The following GALNT7 variants were observed in gnomAD, a reference collection of about 807,000 sequenced individuals.
GALNT7 encodes N-acetylgalactosaminyltransferase 7.
A neutral mutation model predicts 82.1 loss-of-function variants in GALNT7; 60 were observed. The ratio of observed to expected loss-of-function variants is 0.73; its 90% CI spans 0.59 to 0.91. The LOEUF is 0.91. Among genes scored for constraint, GALNT7 ranks in the 40% least tolerant of loss-of-function variants. The pLI is 0.00. For missense variants in GALNT7, 660 were observed against 804.2 expected, an observed-to-expected ratio of 0.82 and a Z score of 2.17; for synonymous variants, 243 against 275.1, an observed-to-expected ratio of 0.88 and a Z score of 1.15.
intron 1 of GALNT7, among the ~76,000 whole-genome samples, chr4:173,183,388 G>T (rs1732332829): frequency 6.6e-6 from 1 of 151,882 alleles, no homozygotes; most frequent in Non-Finnish European, 1.5e-5. Context: ...GATTGAGCAG[G>T]AATGGGAGAA....
intron 1 of GALNT7, among the ~76,000 whole-genome samples, chr4:173,196,600 T>C (rs1732786729): frequency 6.6e-6 from 1 of 152,186 alleles, no homozygotes; most frequent in African/African-American, 2.4e-5. Context: ...GTTTGTTATA[T>C]AGGTAAACGT....
chr4:173,181,059 A>G (rs1732233828), intron 1 of GALNT7, among the ~76,000 whole-genome samples: 3 of 152,314 alleles, frequency 2.0e-5, no homozygotes, highest in Non-Finnish European at 4.4e-5. Context: ...ATAAGCTCTC[A>G]ATTATGGTAC....
chr4:173,262,597 G>T (rs764474673), intron 2 of GALNT7, among the ~76,000 whole-genome samples: 81 of 152,146 alleles, frequency 5.3e-4, no homozygotes, highest in Non-Finnish European at 9.7e-4. Flanking sequence ...TTGTTGAAGT[G>T]ACAGGCTCCC....
At chr4:173,220,396 C>T (rs1733605689) in intron 1 of GALNT7, among the ~76,000 whole-genome samples, 1 of 152,102 alleles carries the variant, frequency 6.6e-6, no homozygotes, top group Admixed American at 6.6e-5. Flanking sequence ...TGACTGTGAT[C>T]TCATGGTATA....
intron 1 of GALNT7, among the ~76,000 whole-genome samples, chr4:173,202,824 T>C (rs1358121507): frequency 6.6e-6 from 1 of 152,228 alleles, no homozygotes; most frequent in Non-Finnish European, 1.5e-5. Flanking sequence ...TCTATTAATA[T>C]TTGCTTTATG....
intron 1 of GALNT7, among the ~76,000 whole-genome samples, chr4:173,216,772 C>T (rs1247997903): frequency 8.5e-6 from 1 of 117,342 alleles, no homozygotes; most frequent in Non-Finnish European, 1.6e-5. Flanking sequence ...CTCTTGTCCC[C>T]CAGGCTGGAG....
At chr4:173,175,888 C>T (rs1416170478) in intron 1 of GALNT7, among the ~76,000 whole-genome samples, 2 of 152,114 alleles carry the variant, frequency 1.3e-5, no homozygotes, top group African/African-American at 4.8e-5. Context: ...GCCTGGCCAA[C>T]ATGGTGAAAC....
chr4:173,262,011 G>T (rs1735287571), intron 2 of GALNT7, among the ~76,000 whole-genome samples: 1 of 151,976 alleles, frequency 6.6e-6, no homozygotes, highest in Non-Finnish European at 1.5e-5. Flanking sequence ...AAAGAAACGA[G>T]TATCATTGTC....
chr4:173,253,882 T>C (rs1734934949), intron 2 of GALNT7, among the ~76,000 whole-genome samples: 1 of 152,214 alleles, frequency 6.6e-6, no homozygotes, highest in Admixed American at 6.5e-5. Flanking sequence ...TCTGATAAAG[T>C]TTGGGATTTT....
intron 1 of GALNT7, among the ~76,000 whole-genome samples, chr4:173,232,311 T>C (rs1734055048): frequency 6.6e-6 from 1 of 152,050 alleles, no homozygotes. Flanking sequence ...AAAGCAGTGG[T>C]TTTTATAAAT....
At chr4:173,280,172 G>A (rs1327848745) in intron 2 of GALNT7, among the ~76,000 whole-genome samples, 2 of 152,116 alleles carry the variant, frequency 1.3e-5, no homozygotes, top group African/African-American at 4.8e-5. Flanking sequence ...AGCGAGAGAT[G>A]AGTAACTTCC....
intron 1 of GALNT7, among the ~76,000 whole-genome samples, chr4:173,228,506 G>A (rs1733913906): frequency 6.6e-6 from 1 of 151,730 alleles, no homozygotes; most frequent in African/African-American, 2.4e-5. Context: ...CTCATTAAGG[G>A]CATTTTGTTT....
At chr4:173,266,714 A>G (rs1735506052) in intron 2 of GALNT7, among the ~76,000 whole-genome samples, 1 of 152,164 alleles carries the variant, frequency 6.6e-6, no homozygotes, top group African/African-American at 2.4e-5. Flanking sequence ...AAATCCTGCC[A>G]TTTTCGGCAA....
chr4:173,182,317 T>A (rs574244283), intron 1 of GALNT7, among the ~76,000 whole-genome samples: 3 of 152,312 alleles, frequency 2.0e-5, no homozygotes, highest in African/African-American at 4.8e-5. Flanking sequence ...AAACTTAAGG[T>A]AAGAGCAAAA....
intron 1 of GALNT7, among the ~76,000 whole-genome samples, chr4:173,233,350 C>T (rs535922213): frequency 6.6e-6 from 1 of 152,280 alleles, no homozygotes; most frequent in African/African-American, 2.4e-5. Flanking sequence ...TACATTCTCA[C>T]CAACAGTGTA....
At chr4:173,269,117 A>G (rs898023513) in intron 2 of GALNT7, among the ~76,000 whole-genome samples, 7 of 152,156 alleles carry the variant, frequency 4.6e-5, no homozygotes, top group African/African-American at 1.4e-4. Flanking sequence ...TGTTTGTCAG[A>G]TAAGCATGTC....
At chr4:173,181,708 GC>G (rs1400331596) in intron 1 of GALNT7, among the ~76,000 whole-genome samples, 9 of 152,260 alleles carry the variant, frequency 5.9e-5, no homozygotes, top group African/African-American at 1.9e-4. Flanking sequence ...AAATACCATG[GC>G]TTTTCCCAGG....
intron 2 of GALNT7, among the ~76,000 whole-genome samples, chr4:173,266,055 C>T (rs368353241): frequency 2.3e-4 from 35 of 152,198 alleles, no homozygotes; most frequent in African/African-American, 8.2e-4. Context: ...GCCAGGATTT[C>T]GAGACCAGCC....
intron 2 of GALNT7, among the ~76,000 whole-genome samples, chr4:173,261,478 T>A (rs968354987): frequency 1.3e-5 from 2 of 152,086 alleles, no homozygotes; most frequent in Admixed American, 1.3e-4. Flanking sequence ...ATTTAATAAC[T>A]TGGCTTGTCA....
Sources: allele counts gnomAD v4.1 joint callset (sites outside exome capture counted in the v4.1 genomes callset), GRCh38; gene constraint gnomAD v4.1.1; transcripts MANE v1.5; gene names NCBI Gene and HGNC (gene_info 2026-07-23, HGNC 2026-07-21).